Variants in COG5 observed in about 807,000 individuals in gnomAD.
COG5 encodes the protein component of oligomeric golgi complex 5, also known as conserved oligomeric Golgi complex subunit 5.
COG5 carries 86 observed loss-of-function variants against 110.4 expected under a neutral mutation model. The observed-to-expected ratio is 0.78, with a 90% CI of 0.65 to 0.93. The LOEUF (loss-of-function observed/expected upper bound fraction) is 0.93, where lower values mean the gene tolerates loss of function less well. COG5 is among the 40% of genes least tolerant of loss of function. COG5 has a pLI of 0.00. For synonymous variants in COG5, 360 were observed against 334.6 expected, an observed-to-expected ratio of 1.08 and a Z score of -0.83; for missense variants, 1,077 against 987.0, an observed-to-expected ratio of 1.09 and a Z score of -1.22.
intron 10 of COG5, among the ~76,000 whole-genome samples, chr7:107,331,161 A>G (rs1264389121): frequency 6.6e-6 from 1 of 152,176 alleles, no homozygotes; most frequent in Non-Finnish European, 1.5e-5. Context: ...AGATAATACC[A>G]TGATCAAGCT....
At chr7:107,310,915 G>T (rs1472676242) in intron 11 of COG5, among the ~76,000 whole-genome samples, 1 of 151,294 alleles carries the variant, frequency 6.6e-6, no homozygotes, top group Admixed American at 6.6e-5. Context: ...AAAGTTCTCA[G>T]CACATATGTA....
chr7:107,288,596 T>C (rs1237317054), intron 12 of COG5, among the ~76,000 whole-genome samples: 1 of 152,146 alleles, frequency 6.6e-6, no homozygotes, highest in African/African-American at 2.4e-5. Context: ...TGGTCATCTA[T>C]GTTTTCTGGA....
chr7:107,495,743 TA>T (rs890187014), intron 6 of COG5, among the ~76,000 whole-genome samples: 4 of 151,936 alleles, frequency 2.6e-5, no homozygotes, highest in African/African-American at 9.7e-5. Context: ...TTCTAAGAAT[TA>T]CAGTGTAATT....
At chr7:107,319,401 G>T (rs1212408061) in intron 11 of COG5, among the ~76,000 whole-genome samples, 2 of 152,176 alleles carry the variant, frequency 1.3e-5, no homozygotes, top group African/African-American at 4.8e-5. Context: ...TTAAGTGACA[G>T]ATTTTGTTGT....
At chr7:107,511,125 C>A (rs1799473109) in intron 6 of COG5, among the ~76,000 whole-genome samples, 1 of 147,868 alleles carries the variant, frequency 6.8e-6, no homozygotes, top group African/African-American at 2.5e-5. Context: ...TTGAAAAGAT[C>A]AACAAAACTG....
intron 10 of COG5, among the ~76,000 whole-genome samples, chr7:107,344,212 A>G (rs1295256214): frequency 6.6e-6 from 1 of 152,238 alleles, no homozygotes; most frequent in East Asian, 1.9e-4. Context: ...ATTTTAGTGT[A>G]GCTACCTTCA....
chr7:107,221,919 TAA>T (rs1350707189), intron 19 of COG5, among the ~76,000 whole-genome samples: 1 of 152,218 alleles, frequency 6.6e-6, no homozygotes, highest in Non-Finnish European at 1.5e-5. Flanking sequence ...TATAGCAATT[TAA>T]GTTAGTTTTA....
At chr7:107,294,235 A>G (rs1806407788) in intron 12 of COG5, among the ~76,000 whole-genome samples, 2 of 152,286 alleles carry the variant, frequency 1.3e-5, no homozygotes, top group Admixed American at 6.5e-5. Context: ...AATTTTTCCT[A>G]TCTTAACCAG....
chr7:107,283,330 C>G (rs1369015853), intron 13 of COG5, among the ~76,000 whole-genome samples: 1 of 151,996 alleles, frequency 6.6e-6, no homozygotes, highest in Non-Finnish European at 1.5e-5. Context: ...GCATCCTTGG[C>G]AAGATATAGA....
At chr7:107,348,347 G>A (rs1207954423) in intron 10 of COG5, among the ~76,000 whole-genome samples, 1 of 151,886 alleles carries the variant, frequency 6.6e-6, no homozygotes, top group Non-Finnish European at 1.5e-5. Flanking sequence ...TTGGGCAAGG[G>A]GTCTTCTCTA....
intron 6 of COG5, among the ~76,000 whole-genome samples, chr7:107,469,804 G>A (rs538349583): frequency 6.6e-6 from 1 of 151,440 alleles, no homozygotes; most frequent in Admixed American, 6.6e-5. Flanking sequence ...TTAATGTTTG[G>A]CATAAGTGAC....
intron 3 of COG5, chr7:107,549,205 T>G (rs1344059999): frequency 6.6e-6 from 1 of 152,160 alleles, no homozygotes; most frequent in Non-Finnish European, 1.5e-5. Flanking sequence ...ATAACCATTT[T>G]CTTACATCAT....
At chr7:107,334,804 C>T (rs556951046) in intron 10 of COG5, among the ~76,000 whole-genome samples, 1 of 151,582 alleles carries the variant, frequency 6.6e-6, no homozygotes, top group South Asian at 2.1e-4. Flanking sequence ...CAGTAATATG[C>T]AAATAAACAA....
chr7:107,448,934 C>T (rs1417808099), intron 6 of COG5, among the ~76,000 whole-genome samples: 2 of 151,874 alleles, frequency 1.3e-5, no homozygotes, highest in African/African-American at 4.8e-5. Flanking sequence ...AAAATATACA[C>T]AAATATATTA....
chr7:107,389,861 C>T (rs1285920983), intron 7 of COG5, among the ~76,000 whole-genome samples: 1 of 152,102 alleles, frequency 6.6e-6, no homozygotes, highest in Non-Finnish European at 1.5e-5. Context: ...TGGCATGCGA[C>T]ATATCATAAT....
intron 8 of COG5, among the ~76,000 whole-genome samples, chr7:107,367,129 ATTAT>A (rs1329276191): frequency 6.6e-6 from 1 of 152,062 alleles, no homozygotes; most frequent in Non-Finnish European, 1.5e-5. Flanking sequence ...GAAGAAAAAC[ATTAT>A]TTATTTGGAC....
At chr7:107,271,335 T>C (rs747833611) in intron 14 of COG5, among the ~76,000 whole-genome samples, 4 of 152,160 alleles carry the variant, frequency 2.6e-5, no homozygotes, top group Non-Finnish European at 5.9e-5. Context: ...AAGTTAGAAT[T>C]TTTATTGGAA....
chr7:107,385,144 T>C (rs1019232964), intron 7 of COG5, among the ~76,000 whole-genome samples: 3 of 152,162 alleles, frequency 2.0e-5, no homozygotes, highest in Non-Finnish European at 2.9e-5. Context: ...AAAGGCCATG[T>C]GACAACAGAG....
At chr7:107,426,568 C>A (rs1430498932) in intron 6 of COG5, among the ~76,000 whole-genome samples, 2 of 152,132 alleles carry the variant, frequency 1.3e-5, no homozygotes, top group Admixed American at 6.6e-5. Context: ...CAGAAGAGGG[C>A]AAGAGGGCTC....
Sources: allele counts gnomAD v4.1 joint callset (sites outside exome capture counted in the v4.1 genomes callset), GRCh38; gene constraint gnomAD v4.1.1; transcripts MANE v1.5; gene names NCBI Gene and HGNC (gene_info 2026-07-23, HGNC 2026-07-21).